The following GRIK4 variants were observed in gnomAD, a reference collection of about 807,000 sequenced individuals.
GRIK4 encodes glutamate receptor ionotropic, kainate 4.
Under a neutral mutation model 104.9 loss-of-function variants are expected in GRIK4, and 40 were observed. That is an observed-to-expected ratio of 0.38 (90% CI 0.30 to 0.50). GRIK4 has a LOEUF of 0.50. GRIK4 is among the 20% of genes least tolerant of loss of function. The pLI is 0.93. For missense variants in GRIK4, 1,047 were observed against 1,308.1 expected, an observed-to-expected ratio of 0.80 and a Z score of 3.08; for synonymous variants, 485 against 524.9, an observed-to-expected ratio of 0.92 and a Z score of 1.04.
chr11:120,957,527 A>G (rs1944183589), intron 16 of GRIK4, among the ~76,000 whole-genome samples: 1 of 151,938 alleles, frequency 6.6e-6, no homozygotes, highest in African/African-American at 2.4e-5. Context: ...TGAAAGTGCT[A>G]CATAAACATA....
chr11:120,693,752 G>C (rs1056883137), intron 3 of GRIK4, among the ~76,000 whole-genome samples: 3 of 152,184 alleles, frequency 2.0e-5, no homozygotes, highest in Non-Finnish European at 4.4e-5. Flanking sequence ...TGGATGTGGG[G>C]TAGTGGGCAT....
rs536930157 is a variant in GRIK4, at chr11:120,564,793, C to T, written c.-159+52906C>T. On this transcript the variant is annotated intron_variant, in intron 1 of 20. Transcript: ENST00000527524. ...GGCTGCAAGGACTGCGCCCAGCCTC[C>T]GCCTCGCCCCTCGAGGCTCCCGCGT... 3.7e-3 allele frequency: 566 copies of T among 151,844 alleles called. 2 individuals are homozygous for T. The highest frequency in any genetic ancestry group is 6.5e-3 in the Non-Finnish European group (439 of 67,808). 9.4% of individuals were successfully genotyped at this position (151,844 alleles called of 1,614,324 possible). A position where few individuals can be genotyped will look rare whatever the true frequency, so the allele number is the denominator to read the frequency against.
At chr11:120,778,072 T>C (rs1489202722) in intron 3 of GRIK4, among the ~76,000 whole-genome samples, 1 of 152,064 alleles carries the variant, frequency 6.6e-6, no homozygotes, top group East Asian at 1.9e-4. Flanking sequence ...CAGTACTAAG[T>C]GAGGCATTGA....
intron 1 of GRIK4, among the ~76,000 whole-genome samples, chr11:120,579,714 T>TG: frequency 6.6e-6 from 1 of 152,194 alleles, no homozygotes; most frequent in Non-Finnish European, 1.5e-5. Context: ...AACAGACATG[T>TG]GTGGGCGGGT....
In GRIK4 at chr11:120,905,397, A is replaced by G. The variant is rs961853552; in HGVS notation, c.1380A>G (p.Arg460=). 28 of 1,613,942 alleles carry G rather than the reference A, an allele frequency of 1.7e-5. No homozygotes were observed. Among genetic ancestry groups the G allele is most frequent in the African/African-American group, 4.0e-5 (3 of 74,912 alleles). The change falls in exon 13 of 21, where the codon CGA becomes CGG. Residue 460 remains arginine (R), a synonymous_variant. Coordinates refer to ENST00000527524, the MANE Select transcript of GRIK4 (RefSeq NM_014619.5). The surrounding 1 kb of genome is among the most constrained non-coding windows in gnomAD (Gnocchi z 5.1). ...TCAAGGAGCTGGCAGAGATCCTCCG[A>G]TTCAACTACAAGATCCGCCTGGTTG... ...DMLKELAEIL[R]FNYKIRLVGD...
rs533065677 is a variant in GRIK4 at position 120,915,550 on chromosome 11, C to T, written c.1476+10057C>T. Among the ~76,000 whole-genome samples the T allele has an allele frequency of 1.9e-3, 290 of 152,234 alleles. 1 individual carries two copies. The highest frequency in any genetic ancestry group is 3.3e-3 in the Non-Finnish European group (225 of 68,006). ...TGCCGCTGGGCCTCTGGAGCCGCAG[C>T]TGCCAACCGTGCGAGCCCAGCCAAT... is the stretch of plus-strand genomic sequence containing the variant. On this transcript the variant is annotated intron_variant, in intron 13 of 20. Coordinates refer to ENST00000527524, the MANE Select transcript of GRIK4 (RefSeq NM_014619.5).
chr11:120,683,372 G>A (rs543108339), intron 3 of GRIK4, among the ~76,000 whole-genome samples: 110 of 152,242 alleles, frequency 7.2e-4, no homozygotes, highest in African/African-American at 2.5e-3. Flanking sequence ...TTATTAAGAA[G>A]GGGAAGAAGG....
intron 19 of GRIK4, among the ~76,000 whole-genome samples, chr11:120,972,376 A>C (rs1178645774): frequency 6.6e-6 from 1 of 152,252 alleles, no homozygotes; most frequent in East Asian, 1.9e-4. Context: ...ATTGGCTTTA[A>C]GTTCCAAAAT....
Position 120,986,950 on chromosome 11 carries a change from GAGA to G in GRIK4, c.*693_*695del, listed in dbSNP as rs1354803825. 1 of 152,274 alleles carries G rather than the reference GAGA, an allele frequency of 6.6e-6. No homozygotes were observed. The highest frequency in any genetic ancestry group is 2.4e-5 in the African/African-American group (1 of 41,438). The allele number at this position is 152,274 out of a possible 1,614,324, so 9.4% of individuals were successfully genotyped here. A position where few individuals can be genotyped will look rare whatever the true frequency, so the allele number is the denominator to read the frequency against. ...GACTGAGGGGCCTGCAGGAGCACAG[GAGA>G]AGGAGTCTTGGGAAGAATCAGATGG... On this transcript the variant is annotated 3_prime_UTR_variant, in exon 21 of 21. Transcript: ENST00000527524.
chr11:120,515,800 A>G (rs972599242), intron 1 of GRIK4, among the ~76,000 whole-genome samples: 3 of 152,268 alleles, frequency 2.0e-5, no homozygotes, highest in African/African-American at 7.2e-5. Context: ...CAGTATGAAC[A>G]AAAAACTTAT....
rs1029777184 is a variant in GRIK4, at chr11:120,823,879, G to A, written c.511+3959G>A. Among the ~76,000 whole-genome samples, 4 of 152,322 alleles carry A rather than the reference G, an allele frequency of 2.6e-5. No individual in the cohort carries two copies. In the South Asian group the frequency reaches 8.3e-4, roughly 32 times the overall value. ...CTGCTGAGGCTGCTGAGGGACTCCA[G>A]TCCCCACCCTCCAGGGCCAGAGCAG... On this transcript the variant is annotated intron_variant, in intron 6 of 20. Transcript: ENST00000527524.
intron 3 of GRIK4, among the ~76,000 whole-genome samples, chr11:120,745,889 A>G (rs1309421964): frequency 6.6e-6 from 1 of 152,076 alleles, no homozygotes; most frequent in African/African-American, 2.4e-5. Context: ...CCCCTTTGCA[A>G]CCTCAGCTAG....
At chr11:120,809,666 G>A (rs1018671373) in intron 4 of GRIK4, among the ~76,000 whole-genome samples, 1 of 152,240 alleles carries the variant, frequency 6.6e-6, no homozygotes, top group Admixed American at 6.5e-5. Context: ...GATCCAGTGA[G>A]GGAGATGGAC....
chr11:120,576,985 A>G (rs1290388192), intron 1 of GRIK4, among the ~76,000 whole-genome samples: 1 of 152,124 alleles, frequency 6.6e-6, no homozygotes, highest in Non-Finnish European at 1.5e-5. Flanking sequence ...TTCTTGTCGT[A>G]TTTCCCCTCT....
rs1184136330 is a variant in GRIK4, at chr11:120,555,255, C to T, written c.-159+43368C>T. 6.6e-6 allele frequency among the ~76,000 whole-genome samples: 1 copy of T among 152,220 alleles called. No individual in the cohort carries two copies. The highest frequency in any genetic ancestry group is 1.5e-5 in the Non-Finnish European group (1 of 68,038). On this transcript the variant is annotated intron_variant, in intron 1 of 20. Transcript: ENST00000527524. The surrounding 1 kb of genome is among the most constrained non-coding windows in gnomAD (Gnocchi z 5.3). ...TTGCTGGCTGTCCAAAAGCAAAACC[C>T]AGCAAGTGGCTTCCTGTTTATGCAT...
chr11:120,962,080 G>GT (rs1282774599), intron 17 of GRIK4, among the ~76,000 whole-genome samples: 1 of 150,822 alleles, frequency 6.6e-6, no homozygotes, highest in Non-Finnish European at 1.5e-5. Context: ...ATGAACCTAA[G>GT]TTCACTGCCC....
chr11:120,801,523 G>T (rs1186574655), intron 3 of GRIK4, among the ~76,000 whole-genome samples: 1 of 152,176 alleles, frequency 6.6e-6, no homozygotes, highest in Non-Finnish European at 1.5e-5. Context: ...CATGCGTCCA[G>T]CCACACTTAG....
chr11:120,825,798 T>C (rs1953241958), intron 6 of GRIK4, among the ~76,000 whole-genome samples: 1 of 152,184 alleles, frequency 6.6e-6, no homozygotes, highest in Non-Finnish European at 1.5e-5. Context: ...GATGGGAAAG[T>C]AACTGGGCCC....
intron 3 of GRIK4, among the ~76,000 whole-genome samples, chr11:120,727,701 A>G (rs1196529945): frequency 6.6e-6 from 1 of 152,172 alleles, no homozygotes; most frequent in East Asian, 1.9e-4. Flanking sequence ...AAGATAACAT[A>G]AATCAGAAGT....
Sources: allele counts gnomAD v4.1 joint callset (sites outside exome capture counted in the v4.1 genomes callset), GRCh38; gene constraint gnomAD v4.1.1; non-coding constraint Gnocchi (gnomAD v3.1); transcripts MANE v1.5; gene names NCBI Gene and HGNC (gene_info 2026-07-23, HGNC 2026-07-21).